CSTF3: variants seen among roughly 807,000 people sequenced by gnomAD.
The protein encoded by CSTF3 is CF-1 77 kDa subunit.
In CSTF3, 29 loss-of-function variants were observed where a neutral mutation model predicts 105.8. That is an observed-to-expected ratio of 0.27 (90% confidence interval 0.20 to 0.37). CSTF3 has a LOEUF of 0.37. Ranked by LOEUF, CSTF3 falls within the 10% of genes least tolerant of loss-of-function variation. The pLI, the probability that CSTF3 is intolerant of heterozygous loss-of-function variation, is 1.00. For missense variants in CSTF3, 357 were observed against 879.3 expected, an observed-to-expected ratio of 0.41 and a Z score of 7.51; for synonymous variants, 252 against 281.9, an observed-to-expected ratio of 0.89 and a Z score of 1.06.
chr11:33,135,290 T>C (rs968144597), intron 3 of CSTF3, among the ~76,000 whole-genome samples: 1 of 152,152 alleles, frequency 6.6e-6, no homozygotes, highest in Non-Finnish European at 1.5e-5. Flanking sequence ...CAAAGATCAC[T>C]CGATTATATA....
chr11:33,145,423 G>A (rs1379236069), intron 1 of CSTF3, among the ~76,000 whole-genome samples: 1 of 151,700 alleles, frequency 6.6e-6, no homozygotes, highest in Non-Finnish European at 1.5e-5. Flanking sequence ...AAGACTCTGT[G>A]TCAAAAAAAC....
intron 3 of CSTF3, among the ~76,000 whole-genome samples, chr11:33,134,706 C>T (rs563914018): frequency 6.6e-5 from 10 of 152,174 alleles, no homozygotes; most frequent in African/African-American, 2.2e-4. Flanking sequence ...GACTTTAAAA[C>T]TGTCAAAAGC....
intron 3 of CSTF3, among the ~76,000 whole-genome samples, chr11:33,114,724 G>T (rs559661475): frequency 1.3e-5 from 2 of 151,878 alleles, no homozygotes; most frequent in Non-Finnish European, 2.9e-5. Flanking sequence ...GGTGGCAAGC[G>T]CCCGTAATCC....
At chr11:33,103,206 T>G in intron 8 of CSTF3, 22 bp from the exon 9 acceptor site, 1 of 1,218,076 alleles carries the variant, frequency 8.2e-7, no homozygotes, top group Non-Finnish European at 1.2e-6. Context: ...CAAAAATATT[T>G]TAAAATTAAG....
intron 3 of CSTF3, chr11:33,134,447 A>G (rs1461224404): frequency 6.6e-6 from 1 of 152,214 alleles, no homozygotes; most frequent in Non-Finnish European, 1.5e-5. Flanking sequence ...AGCCAAAACC[A>G]AAGGAAATGG....
chr11:33,101,748 A>C (rs1855283269), intron 10 of CSTF3, among the ~76,000 whole-genome samples: 1 of 152,292 alleles, frequency 6.6e-6, no homozygotes, highest in African/African-American at 2.4e-5. Context: ...AAAAGCAATC[A>C]AAGAAAATAA....
chr11:33,108,696 T>A (rs1855350505), intron 3 of CSTF3, among the ~76,000 whole-genome samples: 1 of 152,184 alleles, frequency 6.6e-6, no homozygotes, highest in Non-Finnish European at 1.5e-5. Context: ...AATACAGAAA[T>A]ATACACATAC....
chr11:33,153,594 C>T (rs986503375), intron 1 of CSTF3, among the ~76,000 whole-genome samples: 4 of 151,324 alleles, frequency 2.6e-5, no homozygotes, highest in East Asian at 1.9e-4. Context: ...GCTATGACCA[C>T]GCCAATGCAC....
chr11:33,101,724 C>A (rs1013309692), intron 10 of CSTF3, among the ~76,000 whole-genome samples: 5 of 152,008 alleles, frequency 3.3e-5, no homozygotes, highest in Non-Finnish European at 7.4e-5. Context: ...GAAATGTAAA[C>A]CACAGTCAAG....
intron 18 of CSTF3, among the ~76,000 whole-genome samples, chr11:33,086,704 C>T (rs566686987): frequency 1.3e-5 from 2 of 152,264 alleles, no homozygotes; most frequent in East Asian, 3.9e-4. Context: ...TCCCAAAGTG[C>T]CAGGATTATA....
At chr11:33,090,827 T>C in intron 16 of CSTF3, 100 bp from the exon 17 acceptor site, 1 of 669,792 alleles carries the variant, frequency 1.5e-6, no homozygotes, top group Non-Finnish European at 2.3e-6. Context: ...TTCCCTTAAC[T>C]TATAAAAAGT....
chr11:33,157,570 T>C lies in CSTF3; in HGVS notation c.27+3729A>G, dbSNP rs912795587. On this transcript the variant is annotated intron_variant, in intron 1 of 20. Transcript: ENST00000323959. ...TAGCTCTCTACATGCAAAATTGAAC[T>C]TCCCTACTAGAGTTGAAAAAAAAAT... 5.9e-5 allele frequency among the ~76,000 whole-genome samples: 9 copies of C among 152,242 alleles called. No individual in the cohort carries two copies. In the South Asian group the frequency reaches 1.5e-3, roughly 25 times the overall value.
chr11:33,149,177 A>G (rs536069986), intron 1 of CSTF3, among the ~76,000 whole-genome samples: 2 of 152,292 alleles, frequency 1.3e-5, no homozygotes, highest in African/African-American at 4.8e-5. Flanking sequence ...CCCCCATCCA[A>G]TTTCACAGAA....
chr11:33,089,942 C>A (rs900725790), intron 17 of CSTF3, among the ~76,000 whole-genome samples: 2 of 152,160 alleles, frequency 1.3e-5, no homozygotes, highest in Non-Finnish European at 2.9e-5. Context: ...GTGGCCTGAA[C>A]AGGTTCAGGT....
At chr11:33,141,464 CCAAA>C (rs1192743233) in intron 3 of CSTF3, 199 bp downstream of exon 3, 31 of 1,302,458 alleles carry the variant, frequency 2.4e-5, no homozygotes, top group Non-Finnish European at 3.0e-5. Flanking sequence ...TGTTGCAACT[CCAAA>C]ATGCAACAAT....
chr11:33,098,916 T>G (rs1043298487), intron 12 of CSTF3, 118 bp downstream of exon 12: 2 of 1,418,076 alleles, frequency 1.4e-6, no homozygotes, highest in Non-Finnish European at 1.9e-6. Flanking sequence ...TAACTGTTCA[T>G]TTGGCATCAT....
At chr11:33,142,701 T>C (rs1217029344) in intron 1 of CSTF3, among the ~76,000 whole-genome samples, 1 of 152,202 alleles carries the variant, frequency 6.6e-6, no homozygotes, top group African/African-American at 2.4e-5. Context: ...AATTTAAATA[T>C]TGATTGATTT....
intron 3 of CSTF3, among the ~76,000 whole-genome samples, chr11:33,120,096 T>C (rs184016482): frequency 1.7e-4 from 26 of 151,794 alleles, no homozygotes; most frequent in African/African-American, 5.3e-4. Flanking sequence ...ATTATGACTA[T>C]GTAAAAATAT....
At chr11:33,088,571 C>T (rs935424667) in intron 17 of CSTF3, among the ~76,000 whole-genome samples, 1 of 151,966 alleles carries the variant, frequency 6.6e-6, no homozygotes, top group Non-Finnish European at 1.5e-5. Flanking sequence ...TGAGCCACCA[C>T]ACCTGGCCAC....
Sources: gnomAD v4.1 joint callset for allele counts (sites outside exome capture counted in the v4.1 genomes callset) on GRCh38, gnomAD v4.1.1 for gene constraint, MANE v1.5 for transcripts, NCBI Gene and HGNC (gene_info 2026-07-23, HGNC 2026-07-21) for gene names.